The following DFFB variants were observed in gnomAD, a reference collection of about 807,000 sequenced individuals.
DFFB encodes the protein DNA fragmentation factor 40 kDa subunit.
DFFB carries 29 observed loss-of-function variants against 32.7 expected under a neutral mutation model. The observed-to-expected ratio is 0.89, with a 90% CI of 0.66 to 1.21. The LOEUF (loss-of-function observed/expected upper bound fraction) is 1.21. DFFB is among the 50% of genes most tolerant of loss of function. The pLI is 0.00. For missense variants in DFFB, 398 were observed against 440.6 expected (o/e 0.90, Z 0.87); for synonymous variants, 170 against 177.1 (o/e 0.96, Z 0.32).
chr1:3,876,344 T>G (rs1323216857), intron 6 of DFFB, among the ~76,000 whole-genome samples: 1 of 152,012 alleles, frequency 6.6e-6, no homozygotes, highest in Non-Finnish European at 1.5e-5. Context: ...TAGAACAGAG[T>G]ACAGATGAAA....
intron 4 of DFFB, among the ~76,000 whole-genome samples, chr1:3,868,755 A>C (rs35748554): frequency 1.1e-5 from 1 of 88,518 alleles, no homozygotes; most frequent in Non-Finnish European, 2.3e-5. Context: ...TCATTAGCAC[A>C]TGGAGGGTGC....
At chr1:3,867,303 C>T (rs187652901) in intron 3 of DFFB, among the ~76,000 whole-genome samples, 42 of 152,362 alleles carry the variant, frequency 2.8e-4, no homozygotes, top group South Asian at 1.4e-3. Context: ...CACTCCACTG[C>T]GTGTACATGC....
rs193217050 is a variant in DFFB, at chr1:3,872,433, T to C, written c.682-39T>C. On this transcript the variant is annotated intron_variant, in intron 5 of 6. Transcript: ENST00000378209. Reference sequence around the variant, plus strand: ...TCTCAAGAAAAAAAAAAAAAGAGACTCACTTTCTGGCCTTCCCTCATTGTC... The same window carrying C: ...TCTCAAGAAAAAAAAAAAAAGAGACCCACTTTCTGGCCTTCCCTCATTGTC... 320 of 1,430,186 alleles carry C rather than the reference T, an allele frequency of 2.2e-4. 2 individuals are homozygous for C. The East Asian group carries it at 6.1e-3, about 27-fold the overall frequency. 88.6% of individuals were successfully genotyped at this position (1,430,186 alleles called of 1,614,324 possible).
intron 4 of DFFB, among the ~76,000 whole-genome samples, chr1:3,868,959 A>G (rs1203052599): frequency 8.5e-5 from 13 of 152,204 alleles, no homozygotes; most frequent in Non-Finnish European, 1.3e-4. Context: ...AGTGGAGCTA[A>G]CTGATCCTGA....
Position 3,883,720 on chromosome 1 carries a change from G to T in DFFB, c.996G>T (p.Gln332His). 1.2e-6 allele frequency: 2 copies of T among 1,614,140 alleles called. No individual in the cohort carries two copies. Among genetic ancestry groups the T allele is most frequent in the South Asian group, 1.1e-5 (1 of 91,086 alleles). ...YKPQTRLKRK[Q>H]PVRKRQ is the part of the protein sequence containing the mutation. Reference sequence around the variant, plus strand: ...CCCAGACAAGGTTGAAGCGGAAGCAGCCTGTGCGGAAACGCCAGTGACACG... The same window carrying T: ...CCCAGACAAGGTTGAAGCGGAAGCATCCTGTGCGGAAACGCCAGTGACACG... Residue 332 changes from glutamine (Q) to histidine (H), a missense_variant, in exon 7 of 7, where the codon CAG (glutamine) becomes CAT (histidine). Transcript: ENST00000378209.
In DFFB at chr1:3,883,862, C is replaced by A. The variant is rs908749656; in HGVS notation, c.*121C>A. 5.2e-5 allele frequency: 37 copies of A among 718,444 alleles called. No homozygotes were observed. Among genetic ancestry groups the A allele is most frequent in the Non-Finnish European group, 8.4e-5 (36 of 429,448 alleles). 44.5% of individuals were successfully genotyped at this position (718,444 alleles called of 1,614,324 possible). A position where few individuals can be genotyped will look rare whatever the true frequency, so the allele number is the denominator to read the frequency against. On this transcript the variant is annotated 3_prime_UTR_variant, in exon 7 of 7. Coordinates refer to ENST00000378209, the MANE Select transcript of DFFB (RefSeq NM_004402.4). Reference sequence around the variant, plus strand: ...TCACTCCAGTAGCTCCTGGAAAAAACCTTAAAAAATGTTTCCTCCAAATCT... The same window carrying A: ...TCACTCCAGTAGCTCCTGGAAAAAAACTTAAAAAATGTTTCCTCCAAATCT...
At chr1:3,883,380 T>C (rs1280682781) in intron 6 of DFFB, 127 bp from the exon 7 acceptor site, 1 of 837,004 alleles carries the variant, frequency 1.2e-6, no homozygotes, top group African/African-American at 1.7e-5. Flanking sequence ...GGCCAGTAGG[T>C]GCGGCCGTGT....
At chr1:3,872,426 AAG>A in intron 5 of DFFB, 44 bp from the exon 6 acceptor site, 2 of 1,452,272 alleles carry the variant, frequency 1.4e-6, no homozygotes, top group East Asian at 2.3e-5. Flanking sequence ...AAAAAAAAAA[AAG>A]AGACTCACTT....
At chr1:3,868,717 ACGTC>A (rs2124744371) in intron 4 of DFFB, among the ~76,000 whole-genome samples, 1 of 152,140 alleles carries the variant, frequency 6.6e-6, no homozygotes, top group Non-Finnish European at 1.5e-5. Flanking sequence ...AGGCCACACC[ACGTC>A]ATTCCACACC....
chr1:3,882,041 T>C (rs997955842), intron 6 of DFFB, among the ~76,000 whole-genome samples: 1 of 152,096 alleles, frequency 6.6e-6, no homozygotes, highest in Non-Finnish European at 1.5e-5. Context: ...AACAACATCA[T>C]GTTGTGTGTG....
At chr1:3,867,850 C>CA (rs1645014721) in intron 3 of DFFB, 124 bp from the exon 4 acceptor site, 1 of 834,858 alleles carries the variant, frequency 1.2e-6, no homozygotes, top group Non-Finnish European at 2.0e-6. Flanking sequence ...AAGACCCTGT[C>CA]AAAAAGATGA....
intron 5 of DFFB, 57 bp downstream of exon 5, chr1:3,869,832 G>T (rs964282268): frequency 1.3e-6 from 2 of 1,514,012 alleles, no homozygotes; most frequent in Non-Finnish European, 1.8e-6. Context: ...AACACAGCCC[G>T]CCTGGGGCGA....
chr1:3,869,861 G>C, intron 5 of DFFB, 86 bp downstream of exon 5: 1 of 1,390,384 alleles, frequency 7.2e-7, no homozygotes, highest in East Asian at 2.5e-5. Flanking sequence ...GGGACCTTCA[G>C]CCCTTGCCCT....
At chr1:3,869,858 T>A (rs1184081268) in intron 5 of DFFB, 83 bp downstream of exon 5, 7 of 1,413,926 alleles carry the variant, frequency 5.0e-6, no homozygotes, top group Non-Finnish European at 6.6e-6. Flanking sequence ...GTGGGGACCT[T>A]CAGCCCTTGC....
At position 3,865,324 on chromosome 1, in the gene DFFB, T is replaced by A. The variant is rs1644955272; in HGVS notation, c.242-488T>A. 6.6e-6 allele frequency among the ~76,000 whole-genome samples: 1 copy of A among 152,200 alleles called. No individual in the cohort carries two copies. Among genetic ancestry groups the A allele is most frequent in the Non-Finnish European group, 1.5e-5 (1 of 68,036 alleles). ...ACTTGGCCGTGGTGATATTTCTTTGTGCATGTTACTGAGTTCTCTTTGCTA... is the reference window on the plus strand; with the variant it reads ...ACTTGGCCGTGGTGATATTTCTTTGAGCATGTTACTGAGTTCTCTTTGCTA... On this transcript the variant is annotated intron_variant, in intron 2 of 6. Transcript: ENST00000378209. The surrounding 1 kb of genome is among the most constrained non-coding windows in gnomAD (Gnocchi z 4.7).
intron 6 of DFFB, among the ~76,000 whole-genome samples, chr1:3,880,531 C>T (rs1299110919): frequency 1.3e-5 from 2 of 152,200 alleles, no homozygotes; most frequent in Admixed American, 1.3e-4. Flanking sequence ...CCTGAAGGGC[C>T]TGTCACGTGG....
intron 2 of DFFB, chr1:3,860,508 T>G: frequency 2.4e-6 from 1 of 413,404 alleles, no homozygotes. Flanking sequence ...GGATTACAGG[T>G]ATGAGCCACT....
chr1:3,870,061 A>G (rs1645080622), intron 5 of DFFB, among the ~76,000 whole-genome samples: 1 of 152,204 alleles, frequency 6.6e-6, no homozygotes, highest in East Asian at 1.9e-4. Context: ...GGCTGCCATA[A>G]CAGATGACCC....
rs1638236950 is a variant in DFFB at position 3,883,525 on chromosome 1, C to CA, written c.802dup (p.Ile268AsnfsTer10). ...TTTGCAGAATAGAAAAGAAACGCAC[C>CA]ATCATTCCTACACTGGTGGAAGCAA... On this transcript the variant is annotated frameshift_variant, in exon 7 of 7. Transcript: ENST00000378209. LOFTEE classifies it low-confidence loss of function (END_TRUNC). The CA allele has an allele frequency of 5.0e-6, 8 of 1,613,998 alleles. No homozygotes were observed. Among genetic ancestry groups the CA allele is most frequent in the Non-Finnish European group, 6.8e-6 (8 of 1,180,032 alleles).
Sources: gnomAD v4.1 joint callset for allele counts (sites outside exome capture counted in the v4.1 genomes callset) on GRCh38, gnomAD v4.1.1 for gene constraint, Gnocchi (gnomAD v3.1) non-coding constraint, MANE v1.5 for transcripts, NCBI Gene and HGNC (gene_info 2026-07-23, HGNC 2026-07-21) for gene names.